The following SP140 variants were observed in gnomAD, a reference collection of about 807,000 sequenced individuals.
SP140 encodes the protein nuclear body protein SP140.
SP140 carries 81 observed loss-of-function variants against 125.0 expected under a neutral mutation model. That is an observed-to-expected ratio of 0.65 (90% CI 0.54 to 0.78). SP140 has a LOEUF of 0.78. Among genes scored for constraint, SP140 ranks in the 30% least tolerant of loss-of-function variants. SP140 has a pLI of 0.00. For missense variants in SP140, 858 were observed against 1,037.0 expected (o/e 0.83, Z 2.37); for synonymous variants, 312 against 354.0 (o/e 0.88, Z 1.33).
chr2:230,290,707 A>G (rs2149479778), intron 19 of SP140, 143 bp downstream of exon 19: 2 of 676,942 alleles, frequency 3.0e-6, no homozygotes, highest in East Asian at 5.8e-5. Context: ...TTCTAAGATG[A>G]CGTTTACAGA....
chr2:230,200,236 A>G (rs1285932723), upstream of SP140, among the ~76,000 whole-genome samples: 1 of 152,204 alleles, frequency 6.6e-6, no homozygotes, highest in Non-Finnish European at 1.5e-5. Context: ...TTTTGTGACA[A>G]TGACCATATC....
intron 1 of SP140, among the ~76,000 whole-genome samples, chr2:230,227,814 G>A (rs1055432176): frequency 1.3e-5 from 2 of 151,734 alleles, no homozygotes; most frequent in African/African-American, 4.8e-5. Context: ...TTTTTTCTTT[G>A]TTAGGCTGGC....
intron 1 of SP140, among the ~76,000 whole-genome samples, chr2:230,213,301 T>C (rs1415124873): frequency 3.9e-5 from 6 of 152,232 alleles, no homozygotes; most frequent in Non-Finnish European, 8.8e-5. Context: ...TTTGGGTTTG[T>C]ACCCAGGGGT....
At chr2:230,265,764 C>T (rs1383346824) in intron 12 of SP140, among the ~76,000 whole-genome samples, 1 of 146,474 alleles carries the variant, frequency 6.8e-6, no homozygotes, top group Non-Finnish European at 1.5e-5. Context: ...TTTCCCACTT[C>T]TGCAGTTGGG....
chr2:230,295,524 G>A (rs1217011699), intron 21 of SP140, among the ~76,000 whole-genome samples: 1 of 152,182 alleles, frequency 6.6e-6, no homozygotes, highest in African/African-American at 2.4e-5. Flanking sequence ...CTATTCTGGG[G>A]TGCAAAACTT....
chr2:230,269,858 A>G lies in SP140; in HGVS notation c.1349A>G (p.Glu450Gly). The G allele has an allele frequency of 6.2e-7, 1 of 1,614,044 alleles. No individual in the cohort carries two copies. Among genetic ancestry groups the G allele is most frequent in the Non-Finnish European group, 8.5e-7 (1 of 1,179,884 alleles). Residue 450 changes from glutamate (E) to glycine (G), a missense_variant, in exon 14 of 27, where the codon GAA becomes GGA. Coordinates refer to ENST00000392045, the MANE Select transcript of SP140 (RefSeq NM_007237.5). ...NVPGAEQSAY[E>G]NEKCSCVMCF... Reference sequence around the variant, plus strand: ...CCAGGAGCGGAGCAATCAGCATATGAAAATGAGAAGTGTTCCTGTGTCATG... The same window carrying G: ...CCAGGAGCGGAGCAATCAGCATATGGAAATGAGAAGTGTTCCTGTGTCATG...
intron 1 of SP140, among the ~76,000 whole-genome samples, chr2:230,234,566 A>G (rs566096163): frequency 6.6e-6 from 1 of 152,290 alleles, no homozygotes; most frequent in South Asian, 2.1e-4. Flanking sequence ...ATGGGTATAC[A>G]CTTTTTTTAG....
At chr2:230,242,450 T>C (rs1309277071) in intron 4 of SP140, among the ~76,000 whole-genome samples, 3 of 152,144 alleles carry the variant, frequency 2.0e-5, no homozygotes, top group Admixed American at 6.5e-5. Context: ...TTTCAATAGA[T>C]CTCTCCCAGA....
intron 4 of SP140, among the ~76,000 whole-genome samples, chr2:230,242,221 G>C (rs1410635415): frequency 6.6e-6 from 1 of 151,804 alleles, no homozygotes; most frequent in Non-Finnish European, 1.5e-5. Context: ...AAGTAGAGAG[G>C]TACAGAGGCA....
chr2:230,293,410 C>T (rs1396401258), intron 20 of SP140, among the ~76,000 whole-genome samples: 1 of 152,194 alleles, frequency 6.6e-6, no homozygotes, highest in Admixed American at 6.5e-5. Flanking sequence ...AATCTCGGCT[C>T]ACTGCAACCT....
At chr2:230,226,744 A>G (rs910013825) in intron 1 of SP140, among the ~76,000 whole-genome samples, 46 of 135,010 alleles carry the variant, frequency 3.4e-4, no homozygotes, top group African/African-American at 1.2e-3. Context: ...CCTGGGCAAC[A>G]AGAGTGAAAT....
chr2:230,218,619 C>T (rs2045494518), intron 3 of SP140, among the ~76,000 whole-genome samples: 1 of 152,114 alleles, frequency 6.6e-6, no homozygotes, highest in Admixed American at 6.5e-5. Flanking sequence ...TCTAGAGCTT[C>T]CTCATTCTTC....
intron 12 of SP140, among the ~76,000 whole-genome samples, chr2:230,263,276 T>C (rs1016695595): frequency 2.6e-5 from 4 of 152,214 alleles, no homozygotes; most frequent in African/African-American, 9.7e-5. Context: ...TAAGAATAGC[T>C]ACCCCTGCTT....
At chr2:230,303,354 GCAGGCAGAAA>G (rs1559365829) in intron 22 of SP140, among the ~76,000 whole-genome samples, 1 of 152,102 alleles carries the variant, frequency 6.6e-6, no homozygotes, top group Non-Finnish European at 1.5e-5. Flanking sequence ...CTAGATTAAA[GCAGGCAGAAA>G]TAGAAATTCT....
chr2:230,284,202 C>T (rs577440333), intron 15 of SP140, 144 bp from the exon 16 acceptor site: 140 of 683,708 alleles, frequency 2.0e-4, no homozygotes, highest in African/African-American at 1.6e-3. Flanking sequence ...TCAACCTCCA[C>T]GCTGCTACAC....
chr2:230,216,971 C>T (rs368598678), intron 3 of SP140: 94 of 1,580,472 alleles, frequency 5.9e-5, no homozygotes, highest in Admixed American at 2.7e-4. Flanking sequence ...AAAGGCTGGG[C>T]GCGGTGGCTC....
At chr2:230,187,901 A>G in the SP140 span, among the ~76,000 whole-genome samples, 1 of 152,146 alleles carries the variant, frequency 6.6e-6, no homozygotes, top group African/African-American at 2.4e-5. Context: ...ATAGCCTTGT[A>G]GTATAATTTT....
At chr2:230,229,718 A>G (rs1387945449) in intron 1 of SP140, among the ~76,000 whole-genome samples, 2 of 151,900 alleles carry the variant, frequency 1.3e-5, no homozygotes, top group Admixed American at 6.6e-5. Context: ...CACATGGAGT[A>G]GGCTTTCTGG....
intron 21 of SP140, among the ~76,000 whole-genome samples, chr2:230,297,045 T>C (rs2057801413): frequency 6.6e-6 from 1 of 152,230 alleles, no homozygotes; most frequent in African/African-American, 2.4e-5. Flanking sequence ...AATTCATGAA[T>C]TGGGCAGCAC....
Sources: gnomAD v4.1 joint callset for allele counts (sites outside exome capture counted in the v4.1 genomes callset) on GRCh38, gnomAD v4.1.1 for gene constraint, MANE v1.5 for transcripts, NCBI Gene and HGNC (gene_info 2026-07-23, HGNC 2026-07-21) for gene names.